Variants in COL17A1 observed in about 807,000 individuals in gnomAD.
COL17A1 encodes the protein collagen alpha-1(XVII) chain.
COL17A1 carries 181 observed loss-of-function variants against 218.4 expected under a neutral mutation model. That is an observed-to-expected ratio of 0.83 (90% CI 0.73 to 0.94). The LOEUF (loss-of-function observed/expected upper bound fraction) is 0.94, where lower values mean the gene tolerates loss of function less well. COL17A1 is among the 40% of genes least tolerant of loss of function. The pLI, the probability that COL17A1 is intolerant of heterozygous loss-of-function variation, is 0.00. For missense variants in COL17A1, 1,924 were observed against 1,945.9 expected, an observed-to-expected ratio of 0.99 and a Z score of 0.21; for synonymous variants, 721 against 731.0, an observed-to-expected ratio of 0.99 and a Z score of 0.22.
intron 11 of COL17A1, among the ~76,000 whole-genome samples, chr10:104,063,217 A>G (rs745948812): frequency 2.0e-5 from 3 of 152,250 alleles, no homozygotes; most frequent in African/African-American, 4.8e-5. Flanking sequence ...TAATATTTAC[A>G]TATAGGCTCT....
intron 40 of COL17A1, 106 bp downstream of exon 40, chr10:104,040,245 G>T: frequency 1.0e-6 from 1 of 967,540 alleles, no homozygotes; most frequent in Non-Finnish European, 1.7e-6. Flanking sequence ...GCAGAAGGAT[G>T]CAAAAATGCC....
rs541741377 is a variant in COL17A1, at chr10:104,068,133, A to G, written c.607+2293T>C. 3.2e-3 allele frequency among the ~76,000 whole-genome samples: 488 copies of G among 152,324 alleles called. 10 individuals carry two copies. The highest frequency in any genetic ancestry group is 4.5e-3 in the Non-Finnish European group (304 of 68,036). Reference sequence around the variant, plus strand: ...CCCACATCAGGTCAGGAATATATTAAATCAAAGAGTTGGGAGATGGTAAAC... The same window carrying G: ...CCCACATCAGGTCAGGAATATATTAGATCAAAGAGTTGGGAGATGGTAAAC... On this transcript the variant is annotated intron_variant, in intron 9 of 55. Transcript: ENST00000648076.
At chr10:104,077,138 T>A (rs2086717631) in intron 4 of COL17A1, among the ~76,000 whole-genome samples, 1 of 152,200 alleles carries the variant, frequency 6.6e-6, no homozygotes, top group African/African-American at 2.4e-5. Flanking sequence ...TTAATGATAG[T>A]TATTTATATT....
intron 14 of COL17A1, 36 bp downstream of exon 14, chr10:104,060,083 T>C: frequency 6.2e-7 from 1 of 1,613,198 alleles, no homozygotes; most frequent in Non-Finnish European, 8.5e-7. Flanking sequence ...TATTTGGCTT[T>C]CTTCTGAAAC....
rs1844703997 is a variant in COL17A1 at position 104,032,748 on chromosome 10, C to T, written c.4364G>A (p.Arg1455Lys). The stretch of plus-strand genomic sequence containing the variant: ...ATGACCTGGTGGCCCAGCAGGGCCC[C>T]TGTCACCTGGAAGGAAAAATGGGGC... ...EMGTPGPKGD[R>K]GPAGPPGHPG... The change falls in exon 55 of 56, where the codon AGG becomes AAG. Residue 1455 changes from arginine (R) to lysine (K), a missense_variant. By Grantham distance (26) the Arg-to-Lys change is conservative. Transcript: ENST00000648076. 10 of 1,614,072 alleles carry T rather than the reference C, an allele frequency of 6.2e-6. No homozygotes were observed. Among genetic ancestry groups the T allele is most frequent in the Non-Finnish European group, 8.5e-6 (10 of 1,180,034 alleles).
chr10:104,041,181 G>C (rs2086355957), intron 38 of COL17A1, 63 bp from the exon 39 acceptor site: 1 of 1,608,726 alleles, frequency 6.2e-7, no homozygotes, highest in Non-Finnish European at 8.5e-7. Flanking sequence ...CCTCTGCTCA[G>C]GAGGAGGCAG....
At chr10:104,061,504 AG>A in intron 12 of COL17A1, 31 bp from the exon 13 acceptor site, 1 of 1,605,830 alleles carries the variant, frequency 6.2e-7, no homozygotes. Flanking sequence ...TCAGCATGGG[AG>A]GGTGGTTCCA....
At chr10:104,074,095 G>A in intron 6 of COL17A1, 89 bp downstream of exon 6, 1 of 1,595,458 alleles carries the variant, frequency 6.3e-7, no homozygotes, top group Admixed American at 1.7e-5. Context: ...TAACTCATGA[G>A]GTCCCCTACT....
rs534539817 is a variant in COL17A1, at chr10:104,051,706, C to T, written c.2003-190G>A. ...GGGGGTGCAGCTGGGTGGGATCAAA[C>T]TACCCTTTGCTCTTTCCTGGTCAGA... On this transcript the variant is annotated intron_variant, in intron 24 of 55. Transcript: ENST00000648076. Among the ~76,000 whole-genome samples, 3 of 152,328 alleles carry T rather than the reference C, an allele frequency of 2.0e-5. No homozygotes were observed. The East Asian group carries it at 5.8e-4, about 29-fold the overall frequency.
At chr10:104,045,665 C>A (rs1203662641) in intron 33 of COL17A1, 93 bp downstream of exon 33, 2 of 1,066,638 alleles carry the variant, frequency 1.9e-6, no homozygotes, top group Non-Finnish European at 2.9e-6. Context: ...TTGATCCAGG[C>A]TCTGGCCAGA....
At chr10:104,060,014 A>G (rs2134627120) in intron 14 of COL17A1, 105 bp downstream of exon 14, 2 of 1,551,302 alleles carry the variant, frequency 1.3e-6, no homozygotes, top group East Asian at 4.6e-5. Context: ...TGGGATGGCT[A>G]TGGTTTCATG....
In COL17A1 at chr10:104,032,301, G is replaced by GAAGA. The variant is rs1844695512; in HGVS notation, c.4439-15_4439-12dup. 1.2e-6 allele frequency: 2 copies of GAAGA among 1,613,010 alleles called. No homozygotes were observed. Among genetic ancestry groups the GAAGA allele is most frequent in the Non-Finnish European group, 1.7e-6 (2 of 1,179,068 alleles). On this transcript the variant is annotated splice_polypyrimidine_tract_variant and intron_variant, in intron 55 of 55. Transcript: ENST00000648076. ...CATAGACTTGGTCACCTGAAAGTTA[G>GAAGA]AAGATCAGTAGGAAGTTAAAACATA...
rs199548700 is a variant in COL17A1 at position 104,050,484 on chromosome 10, CCTAT to C, written c.2128+133_2128+136del. 1,301 of 1,435,092 alleles carry C rather than the reference CCTAT, an allele frequency of 9.1e-4. 6 individuals are homozygous for C. The East Asian group carries it at 0.015, about 16-fold the overall frequency. The allele number at this position is 1,435,092 out of a possible 1,614,324, so 88.9% of individuals were successfully genotyped here. On this transcript the variant is annotated intron_variant, in intron 27 of 55. Coordinates refer to ENST00000648076, the MANE Select transcript of COL17A1 (RefSeq NM_000494.4). The stretch of plus-strand genomic sequence containing the variant: ...TTTCCCTTCTTTGTGCCTCAGTTTC[CCTAT>C]CTGAGAGGTTGGATTAGAATGAGAT...
At chr10:104,056,526 G>A (rs2086528752) in intron 17 of COL17A1, among the ~76,000 whole-genome samples, 1 of 151,892 alleles carries the variant, frequency 6.6e-6, no homozygotes, top group African/African-American at 2.4e-5. Flanking sequence ...AGGTTGCAGT[G>A]AGCCGAGATT....
chr10:104,058,498 T>G (rs2086552731), intron 15 of COL17A1, among the ~76,000 whole-genome samples: 1 of 152,148 alleles, frequency 6.6e-6, no homozygotes, highest in Non-Finnish European at 1.5e-5. Flanking sequence ...ATTCAAACAA[T>G]AAGTGTGGTT....
intron 33 of COL17A1, among the ~76,000 whole-genome samples, chr10:104,044,269 G>T (rs1051348059): frequency 6.6e-6 from 1 of 152,226 alleles, no homozygotes; most frequent in Admixed American, 6.5e-5. Flanking sequence ...TTCCTAGAGT[G>T]CTCTGTGGGA....
At chr10:104,041,579 G>A (rs201036957) in intron 36 of COL17A1, 41 bp from the exon 37 acceptor site, 14 of 1,562,590 alleles carry the variant, frequency 9.0e-6, no homozygotes, top group East Asian at 4.5e-5. Context: ...AAGCTGTCAC[G>A]AGGCTGCTCT....
At chr10:104,071,509 T>TG (rs1564685168) in intron 8 of COL17A1, among the ~76,000 whole-genome samples, 1 of 152,150 alleles carries the variant, frequency 6.6e-6, no homozygotes, top group African/African-American at 2.4e-5. Flanking sequence ...CGACAGAGAC[T>TG]GGGGGGTCTC....
At position 104,060,997 on chromosome 10, in the gene COL17A1, A is replaced by G. The variant is rs150353031; in HGVS notation, c.979+408T>C. On this transcript the variant is annotated intron_variant, in intron 13 of 55. Transcript: ENST00000648076. The stretch of plus-strand genomic sequence containing the variant: ...AACAATGGAGGAAACAGCTCACTGT[A>G]TGGTGCTGAAATATGTGGACAAAGT... Among the ~76,000 whole-genome samples the G allele has an allele frequency of 1.6e-4, 25 of 152,328 alleles. No homozygotes were observed. The East Asian group carries it at 4.6e-3, about 28-fold the overall frequency.
Sources: allele counts gnomAD v4.1 joint callset (sites outside exome capture counted in the v4.1 genomes callset), GRCh38; gene constraint gnomAD v4.1.1; transcripts MANE v1.5; gene names NCBI Gene and HGNC (gene_info 2026-07-23, HGNC 2026-07-21).